The following PHIP variants were observed in gnomAD, a reference collection of about 807,000 sequenced individuals.
PHIP encodes the protein PHIP subunit of CUL4-Ring ligase complex, also known as PH-interacting protein.
PHIP carries 54 observed loss-of-function variants against 236.8 expected under a neutral mutation model. The ratio of observed to expected loss-of-function variants is 0.23; its 90% CI spans 0.18 to 0.29. The LOEUF is 0.29. Among genes scored for constraint, PHIP ranks in the 10% least tolerant of loss-of-function variants. The probability of loss-of-function intolerance (pLI) is 1.00; values close to 1 mark genes in which losing one functional copy is unlikely to be tolerated. For synonymous variants in PHIP, 756 were observed against 718.9 expected, an observed-to-expected ratio of 1.05 and a Z score of -0.83; for missense variants, 1,370 against 2,190.8, an observed-to-expected ratio of 0.63 and a Z score of 7.48.
Position 78,941,232 on chromosome 6 carries a change from G to A in PHIP, c.4927C>T (p.Pro1643Ser). Residue 1643 changes from proline to serine, a missense_variant, in exon 40 of 40, where the codon CCT becomes TCT. Physicochemically the swap from Pro to Ser is moderately conservative, Grantham distance 74 (BLOSUM62 -1). Transcript: ENST00000275034. ...CTATTGGTATTAACTTCTACTTTAG[G>A]TTTCCTTCCAGGTCCCCTCTTCACA... ...KLVKRGPGRK[P>S]KVEVNTNSGE... 6.2e-7 allele frequency: 1 copy of A among 1,613,584 alleles called. No homozygotes were observed. The highest frequency in any genetic ancestry group is 8.5e-7 in the Non-Finnish European group (1 of 1,179,744).
chr6:78,945,613 A>C lies in PHIP; in HGVS notation c.4631-116T>G. 6 of 689,244 alleles carry C rather than the reference A, an allele frequency of 8.7e-6. No homozygotes were observed. The South Asian group carries it at 1.1e-4, about 13-fold the overall frequency. The allele number at this position is 689,244 out of a possible 1,614,324, so 42.7% of individuals were successfully genotyped here. On this transcript the variant is annotated intron_variant, in intron 38 of 39. Coordinates refer to ENST00000275034, the MANE Select transcript of PHIP (RefSeq NM_017934.7). ...ACAACAAAACCTGAAGGATGCTTAA[A>C]GCTTTCTTAGGAAAGCTACTTTCTA...
chr6:78,968,950 C>T (rs1767337407), intron 27 of PHIP, among the ~76,000 whole-genome samples: 1 of 152,184 alleles, frequency 6.6e-6, no homozygotes, highest in Non-Finnish European at 1.5e-5. Flanking sequence ...TATCCTGAGG[C>T]TTCTACTGAA....
At chr6:78,994,861 C>T (rs1006646965) in intron 19 of PHIP, among the ~76,000 whole-genome samples, 4 of 152,194 alleles carry the variant, frequency 2.6e-5, no homozygotes, top group Non-Finnish European at 4.4e-5. Context: ...TAGCGTTTTT[C>T]AGCAGTAAAG....
intron 7 of PHIP, among the ~76,000 whole-genome samples, chr6:79,037,272 G>A (rs1315369009): frequency 1.3e-5 from 2 of 152,056 alleles, no homozygotes; most frequent in African/African-American, 4.8e-5. Context: ...CTTACAATCT[G>A]CAGGATGACC....
chr6:78,972,130 CT>C (rs1455411949), intron 24 of PHIP, among the ~76,000 whole-genome samples: 13 of 152,310 alleles, frequency 8.5e-5, no homozygotes, highest in Admixed American at 7.8e-4. Context: ...ATGTCCCTGT[CT>C]GACAGCTTTG....
At chr6:79,004,291 A>G (rs1412333344) in intron 15 of PHIP, 1 of 470,496 alleles carries the variant, frequency 2.1e-6, no homozygotes, top group Non-Finnish European at 2.8e-6. Flanking sequence ...AGATTTTATT[A>G]TTTTTGGTAA....
In PHIP at chr6:79,003,321, A is replaced by T. The variant is rs76670436; in HGVS notation, c.1653+409T>A. On this transcript the variant is annotated intron_variant, in intron 16 of 39. Transcript: ENST00000275034. ...TAACTACAATCAGGTAATATAATACATTTTTAAGAGCCACATGAAAGCCAC... is the reference window on the plus strand; with the variant it reads ...TAACTACAATCAGGTAATATAATACTTTTTTAAGAGCCACATGAAAGCCAC... Among the ~76,000 whole-genome samples the T allele has an allele frequency of 6.6e-3, 1,007 of 152,154 alleles. 12 individuals are homozygous for T. The highest frequency in any genetic ancestry group is 0.027 in the Admixed American group (407 of 15,234).
rs1344811183 is a variant in PHIP at position 78,941,601 on chromosome 6, A to G, written c.4829-271T>C. 2.6e-5 allele frequency among the ~76,000 whole-genome samples: 4 copies of G among 152,352 alleles called. No individual in the cohort carries two copies. The East Asian group carries it at 7.7e-4, about 29-fold the overall frequency. On this transcript the variant is annotated intron_variant, in intron 39 of 39. Transcript: ENST00000275034. ...ATCTAAGTTAACATTGTGATTGAGT[A>G]TAAAGCTGGGATGACTAAAGGTTTC...
chr6:79,061,167 C>T (rs560847703), intron 4 of PHIP, among the ~76,000 whole-genome samples: 9 of 152,016 alleles, frequency 5.9e-5, no homozygotes, highest in South Asian at 4.1e-4. Flanking sequence ...TAATTTATAC[C>T]GGCATTTGAA....
intron 15 of PHIP, among the ~76,000 whole-genome samples, chr6:79,013,290 G>T (rs1770682730): frequency 6.6e-6 from 1 of 151,692 alleles, no homozygotes; most frequent in Admixed American, 6.6e-5. Context: ...TTATTTTAAT[G>T]AGATGAAGGG....
intron 17 of PHIP, among the ~76,000 whole-genome samples, chr6:78,999,276 C>A (rs1271646654): frequency 1.3e-5 from 2 of 152,142 alleles, no homozygotes; most frequent in African/African-American, 4.8e-5. Flanking sequence ...CTTTTGAACA[C>A]AATATTCCCA....
intron 24 of PHIP, among the ~76,000 whole-genome samples, chr6:78,977,368 G>T (rs1768170716): frequency 6.6e-6 from 1 of 151,750 alleles, no homozygotes; most frequent in African/African-American, 2.4e-5. Context: ...ACACTCTGGG[G>T]ACTGTTGTGG....
rs770311371 is a variant in PHIP at position 78,983,032 on chromosome 6, T to G, written c.2623A>C (p.Lys875Gln). 12 of 1,612,488 alleles carry G rather than the reference T, an allele frequency of 7.4e-6. No homozygotes were observed. Among genetic ancestry groups the G allele is most frequent in the Non-Finnish European group, 1.0e-5 (12 of 1,179,274 alleles). ...PPKKVPKNKT[K>Q]KAESSSDEEE... ...TCATCTGAACTGCTTTCTGCTTTCTTGGTTTTATTCTTAGGAACTTTCTTT... is the reference window on the plus strand; with the variant it reads ...TCATCTGAACTGCTTTCTGCTTTCTGGGTTTTATTCTTAGGAACTTTCTTT... Residue 875 changes from lysine to glutamine, a missense_variant, in exon 23 of 40, where the codon AAG becomes CAG. Lys to Gln is a moderately conservative substitution (Grantham distance 53). Transcript: ENST00000275034.
At position 78,969,876 on chromosome 6, in the gene PHIP, C is replaced by G. The variant is rs1178734661; in HGVS notation, c.3164G>C (p.Arg1055Thr). The change falls in exon 27 of 40, where the codon AGA (arginine) becomes ACA (threonine). Residue 1055 changes from arginine to threonine, a missense_variant. By Grantham distance (71) the Arg-to-Thr change is moderately conservative. Around this residue, in one of 14 missense-constraint regions of PHIP, gnomAD observed 238 missense variants for 398.5 expected, o/e 0.60. Transcript: ENST00000275034. ...MPDVIDFLVL[R>T]QQFDDAKYRR... Reference sequence around the variant, plus strand: ...GTATTTTGCATCATCAAATTGTTGTCTCAAGACTAGGAAATCTATAACGTC... The same window carrying G: ...GTATTTTGCATCATCAAATTGTTGTGTCAAGACTAGGAAATCTATAACGTC... 1 of 1,599,138 alleles carries G rather than the reference C, an allele frequency of 6.3e-7. No individual in the cohort carries two copies.
intron 35 of PHIP, among the ~76,000 whole-genome samples, chr6:78,949,107 A>G (rs182569194): frequency 6.6e-6 from 1 of 152,248 alleles, no homozygotes; most frequent in East Asian, 1.9e-4. Context: ...AGTAAACATG[A>G]TATTAGCTGT....
At chr6:79,071,014 C>T (rs1376479259) in intron 4 of PHIP, among the ~76,000 whole-genome samples, 2 of 152,144 alleles carry the variant, frequency 1.3e-5, no homozygotes, top group African/African-American at 4.8e-5. Context: ...CTAGGGCTTA[C>T]CTATACCACA....
At position 78,945,826 on chromosome 6, in the gene PHIP, C is replaced by T. The variant is rs943168376; in HGVS notation, c.4630+175G>A. On this transcript the variant is annotated intron_variant, in intron 38 of 39. Coordinates refer to ENST00000275034, the MANE Select transcript of PHIP (RefSeq NM_017934.7). ...AGCATTAGTCTATAATGACCTAAAC[C>T]TCAATTTAATTCTTCTTATTAAAAA... is the stretch of plus-strand genomic sequence containing the variant. 4 of 619,058 alleles carry T rather than the reference C, an allele frequency of 6.5e-6. No homozygotes were observed. In the East Asian group the frequency reaches 8.5e-5, roughly 13 times the overall value. The allele number at this position is 619,058 out of a possible 1,614,324, so 38.3% of individuals were successfully genotyped here. A position where few individuals can be genotyped will look rare whatever the true frequency, so the allele number is the denominator to read the frequency against.
At chr6:79,031,079 A>G (rs1582253505) in intron 7 of PHIP, among the ~76,000 whole-genome samples, 1 of 151,912 alleles carries the variant, frequency 6.6e-6, no homozygotes, top group Non-Finnish European at 1.5e-5. Context: ...GAATAGCTGG[A>G]ATTACAGGCG....
chr6:78,974,056 A>T lies in PHIP; in HGVS notation c.2890-3168T>A, dbSNP rs1469709329. Among the ~76,000 whole-genome samples the T allele has an allele frequency of 2.6e-5, 4 of 152,302 alleles. No homozygotes were observed. The East Asian group carries it at 7.7e-4, about 29-fold the overall frequency. ...AGACTTCTGCAGAACTCTCCACCTC[A>T]AATCAACAGAATATACATTTTTTTC... On this transcript the variant is annotated intron_variant, in intron 24 of 39. Coordinates refer to ENST00000275034, the MANE Select transcript of PHIP (RefSeq NM_017934.7).
Sources: gnomAD v4.1 joint callset for allele counts (sites outside exome capture counted in the v4.1 genomes callset) on GRCh38, gnomAD v4.1.1 for gene constraint, gnomAD v4.1.1 regional missense constraint, MANE v1.5 for transcripts, NCBI Gene and HGNC (gene_info 2026-07-23, HGNC 2026-07-21) for gene names.